Variants in SLC61A1 observed in about 807,000 individuals in gnomAD.
SLC61A1 encodes major facilitator superfamily domain containing 5.
At chr12:53,253,330 G>A in the SLC61A1 span, 3,419 of 1,614,268 alleles carry the variant, frequency 2.1e-3, 52 homozygotes, top group Non-Finnish European at 9.2e-4. Flanking sequence ...TCCCTGCTGA[G>A]TGGATCCCAG....
the SLC61A1 span, chr12:53,253,502 G>T: frequency 6.2e-7 from 1 of 1,614,202 alleles, no homozygotes. Context: ...TCGAAACTGG[G>T]GGGAGAACTA....
the SLC61A1 span, chr12:53,252,324 A>T: frequency 7.4e-7 from 1 of 1,356,438 alleles, no homozygotes; most frequent in Non-Finnish European, 9.4e-7. Flanking sequence ...GGCAGGGGCT[A>T]GGGGGCGCAG....
the SLC61A1 span, chr12:53,252,092 G>A: frequency 3.4e-6 from 5 of 1,458,368 alleles, no homozygotes; most frequent in Admixed American, 2.6e-5. Flanking sequence ...CCGCGCCCCC[G>A]TCACGTGATG....
At chr12:53,252,875 GCCT>G in the SLC61A1 span, 1 of 1,613,970 alleles carries the variant, frequency 6.2e-7, no homozygotes, top group African/African-American at 1.3e-5. Flanking sequence ...AGGCCTCCTG[GCCT>G]CCTGCCTGGG....
chr12:53,252,064 C>A, the SLC61A1 span: 38 of 1,341,604 alleles, frequency 2.8e-5, no homozygotes, highest in African/African-American at 1.4e-4. Flanking sequence ...GCGGGCGGGG[C>A]GGGGCGGGGT....
At chr12:53,252,155 G>T in the SLC61A1 span, 1 of 1,434,302 alleles carries the variant, frequency 7.0e-7, no homozygotes, top group Non-Finnish European at 9.1e-7. Context: ...AGCAGGCTGT[G>T]AGGGGCGGGA....
the SLC61A1 span, chr12:53,253,654 G>A: frequency 3.7e-6 from 6 of 1,614,060 alleles, no homozygotes; most frequent in Non-Finnish European, 5.1e-6. Flanking sequence ...GGACACCTGT[G>A]CTGGACCCAC....
chr12:53,253,041 A>T, the SLC61A1 span: 1 of 1,614,190 alleles, frequency 6.2e-7, no homozygotes, highest in Non-Finnish European at 8.5e-7. Flanking sequence ...CTCTACCAGC[A>T]TTACTACTTC....
chr12:53,252,035 G>T, the SLC61A1 span: 15 of 1,274,702 alleles, frequency 1.2e-5, no homozygotes, highest in African/African-American at 1.8e-4. Context: ...TCCGCGCCCG[G>T]GTAAGGGAAG....
the SLC61A1 span, chr12:53,252,289 G>A: frequency 2.5e-5 from 35 of 1,392,360 alleles, no homozygotes; most frequent in Non-Finnish European, 2.4e-5. Context: ...GTCTGGGCGA[G>A]GTGCAAGTGG....
At chr12:53,251,346 G>A in the SLC61A1 span, 1 of 195,116 alleles carries the variant, frequency 5.1e-6, no homozygotes, top group Non-Finnish European at 1.1e-5. Context: ...GGGTCTTGTA[G>A]GCCATTATAA....
the SLC61A1 span, chr12:53,253,033 C>G: frequency 1.1e-4 from 185 of 1,614,238 alleles, no homozygotes; most frequent in African/African-American, 2.3e-3. Flanking sequence ...TCTATAAACT[C>G]TACCAGCATT....
the SLC61A1 span, chr12:53,251,949 A>C: frequency 6.5e-7 from 1 of 1,536,666 alleles, no homozygotes. Context: ...GATGGCAGCG[A>C]GCGAGGCCAG....
At chr12:53,251,758 A>G in the SLC61A1 span, 5 of 1,537,010 alleles carry the variant, frequency 3.3e-6, no homozygotes, top group Non-Finnish European at 4.4e-6. Flanking sequence ...GTGGGAGAGG[A>G]GGCAAACCAA....
At chr12:53,253,770 T>C in the SLC61A1 span, 1 of 1,614,224 alleles carries the variant, frequency 6.2e-7, no homozygotes, top group Non-Finnish European at 8.5e-7. Flanking sequence ...CTTCAGCCCA[T>C]GCACCTGCTG....
chr12:53,253,224 T>C, the SLC61A1 span: 1 of 1,614,274 alleles, frequency 6.2e-7, no homozygotes, highest in African/African-American at 1.3e-5. Flanking sequence ...TACTTTGTGC[T>C]GCTAGTGGGG....
the SLC61A1 span, chr12:53,252,824 CG>C: frequency 1.9e-6 from 3 of 1,613,108 alleles, no homozygotes; most frequent in African/African-American, 2.7e-5. Flanking sequence ...CCAGGTCGTC[CG>C]GGGGCCCACC....
chr12:53,253,355 G>GCTGC, the SLC61A1 span: 1 of 1,614,250 alleles, frequency 6.2e-7, no homozygotes, highest in Non-Finnish European at 8.5e-7. Flanking sequence ...CTTTGCTCGA[G>GCTGC]CTGCCTTCTG....
chr12:53,253,562 C>T, the SLC61A1 span: 1 of 1,613,968 alleles, frequency 6.2e-7, no homozygotes, highest in Non-Finnish European at 8.5e-7. Flanking sequence ...CCTGCGCTGC[C>T]TCCTGTCGGA....
Sources: allele counts gnomAD v4.1 joint callset, GRCh38; gene constraint gnomAD v4.1.1; transcripts MANE v1.5; gene names NCBI Gene and HGNC (gene_info 2026-07-23, HGNC 2026-07-21).